FOXP1: variants seen among roughly 807,000 people sequenced by gnomAD.
FOXP1 encodes forkhead box protein P1.
In FOXP1, 15 loss-of-function variants were observed where a neutral mutation model predicts 98.2. The ratio of observed to expected loss-of-function variants is 0.15; its 90% confidence interval spans 0.10 to 0.24. The LOEUF is 0.24. FOXP1 is among the 10% of genes least tolerant of loss of function. The pLI is 1.00. For missense variants in FOXP1, 633 were observed against 848.5 expected (o/e 0.75, Z 3.15); for synonymous variants, 371 against 314.5 (o/e 1.18, Z -1.90).
intron 4 of FOXP1, among the ~76,000 whole-genome samples, chr3:71,337,043 A>T (rs190880960): frequency 2.0e-5 from 3 of 152,372 alleles, no homozygotes; most frequent in Non-Finnish European, 2.9e-5. Context: ...CATATCAAAC[A>T]TTTAAAAAGT....
intron 5 of FOXP1, among the ~76,000 whole-genome samples, chr3:71,254,923 G>A (rs1449287047): frequency 6.6e-6 from 1 of 152,194 alleles, no homozygotes; most frequent in African/African-American, 2.4e-5. Flanking sequence ...TTGGGAGCAA[G>A]CAGCATGAGA....
intron 6 of FOXP1, among the ~76,000 whole-genome samples, chr3:71,137,146 G>A (rs1377531621): frequency 3.9e-5 from 6 of 152,284 alleles, no homozygotes; most frequent in East Asian, 1.9e-4. Flanking sequence ...CACGCCTAGC[G>A]GCCTCTGAGT....
At chr3:71,279,172 C>CAAAA (rs11308828) in intron 5 of FOXP1, among the ~76,000 whole-genome samples, 39 of 69,676 alleles carry the variant, frequency 5.6e-4, no homozygotes, top group Admixed American at 1.2e-3. Flanking sequence ...AACTCCATCT[C>CAAAA]AAAAAAAAAA....
intron 12 of FOXP1, among the ~76,000 whole-genome samples, chr3:71,007,615 T>C (rs952517626): frequency 2.8e-4 from 43 of 152,134 alleles, no homozygotes; most frequent in African/African-American, 9.4e-4. Context: ...AACAAAAGCC[T>C]CTTTGTCGAG....
chr3:71,198,498 G>T, intron 5 of FOXP1, 106 bp from the exon 6 acceptor site: 3 of 958,402 alleles, frequency 3.1e-6, no homozygotes, highest in Non-Finnish European at 4.9e-6. Context: ...TTTAAATGTT[G>T]CCAAAATCTG....
intron 2 of FOXP1, among the ~76,000 whole-genome samples, chr3:71,569,903 C>A (rs1332265439): frequency 6.6e-6 from 1 of 152,130 alleles, no homozygotes; most frequent in Non-Finnish European, 1.5e-5. Flanking sequence ...CTGCCTCAGC[C>A]TCCCGAGTAG....
At chr3:71,458,731 T>C (rs1272275271) in intron 3 of FOXP1, among the ~76,000 whole-genome samples, 1 of 152,202 alleles carries the variant, frequency 6.6e-6, no homozygotes, top group Admixed American at 6.6e-5. Flanking sequence ...CGTAAAGCAA[T>C]CTCTTGCAAT....
intron 12 of FOXP1, among the ~76,000 whole-genome samples, chr3:71,011,889 A>G (rs1357594267): frequency 2.0e-5 from 3 of 152,158 alleles, no homozygotes; most frequent in African/African-American, 7.2e-5. Flanking sequence ...ATAGGAATTG[A>G]GTCTAGGCCC....
At chr3:71,410,938 C>T (rs762845030) in intron 3 of FOXP1, among the ~76,000 whole-genome samples, 1 of 152,168 alleles carries the variant, frequency 6.6e-6, no homozygotes, top group Admixed American at 6.5e-5. Flanking sequence ...TGCCTTATCA[C>T]GCGTGGCTTC....
At chr3:71,306,590 C>T (rs1435424651) in intron 4 of FOXP1, among the ~76,000 whole-genome samples, 1 of 124,074 alleles carries the variant, frequency 8.1e-6, no homozygotes, top group Non-Finnish European at 1.6e-5. Flanking sequence ...TATATACTCA[C>T]ACATAATACA....
At chr3:71,401,866 C>T (rs1331526030) in intron 3 of FOXP1, among the ~76,000 whole-genome samples, 1 of 152,214 alleles carries the variant, frequency 6.6e-6, no homozygotes, top group Non-Finnish European at 1.5e-5. Flanking sequence ...GACACCGGGG[C>T]CCAGGCAGCC....
At chr3:71,509,749 A>T (rs760406009) in intron 2 of FOXP1, among the ~76,000 whole-genome samples, 22 of 152,122 alleles carry the variant, frequency 1.4e-4, no homozygotes, top group Non-Finnish European at 2.8e-4. Flanking sequence ...GGGCTCAGTG[A>T]CATGCACCTG....
At chr3:71,048,597 AT>A in intron 9 of FOXP1, among the ~76,000 whole-genome samples, 1 of 152,164 alleles carries the variant, frequency 6.6e-6, no homozygotes, top group South Asian at 2.1e-4. Context: ...TAAGAACAGC[AT>A]GCATAAAATG....
intron 5 of FOXP1, among the ~76,000 whole-genome samples, chr3:71,298,028 A>C (rs2073491065): frequency 6.6e-6 from 1 of 152,200 alleles, no homozygotes; most frequent in Non-Finnish European, 1.5e-5. Context: ...GAGATTATAG[A>C]GACCAGGAGA....
chr3:71,226,906 A>G (rs2065886083), intron 5 of FOXP1, among the ~76,000 whole-genome samples: 1 of 152,140 alleles, frequency 6.6e-6, no homozygotes, highest in Admixed American at 6.5e-5. Flanking sequence ...GGTAAGAGCC[A>G]AAGCACGCAG....
chr3:71,469,644 G>A (rs1414673896), intron 3 of FOXP1, among the ~76,000 whole-genome samples: 1 of 152,172 alleles, frequency 6.6e-6, no homozygotes, highest in Non-Finnish European at 1.5e-5. Context: ...TCTTAGCTGG[G>A]CTTTGATGAT....
rs187313074 is a variant in FOXP1, at chr3:71,166,790, C to G, written c.180+31412G>C. 6.6e-5 allele frequency among the ~76,000 whole-genome samples: 10 copies of G among 152,092 alleles called. No homozygotes were observed. The East Asian group carries it at 1.9e-3, about 29-fold the overall frequency. Reference sequence around the variant, plus strand: ...TAATGCTGTCCTTTTCTTAAAAAAACAAAAAGCAAAAACAAAAACACACAC... The same window carrying G: ...TAATGCTGTCCTTTTCTTAAAAAAAGAAAAAGCAAAAACAAAAACACACAC... On this transcript the variant is annotated intron_variant, in intron 6 of 20. Coordinates refer to ENST00000649528, the MANE Select transcript of FOXP1 (RefSeq NM_001349338.3).
At chr3:71,573,571 C>T (rs933350780) in intron 2 of FOXP1, 14 of 152,156 alleles carry the variant, frequency 9.2e-5, no homozygotes, top group African/African-American at 3.4e-4. Flanking sequence ...ATAAGATGAA[C>T]ACATTTAAGC....
intron 14 of FOXP1, among the ~76,000 whole-genome samples, chr3:70,981,609 G>A (rs1405091442): frequency 6.6e-6 from 1 of 152,232 alleles, no homozygotes; most frequent in Non-Finnish European, 1.5e-5. Flanking sequence ...AGGGGAGGCA[G>A]TAATATTTGT....
Sources: allele counts gnomAD v4.1 joint callset (sites outside exome capture counted in the v4.1 genomes callset), GRCh38; gene constraint gnomAD v4.1.1; transcripts MANE v1.5; gene names NCBI Gene and HGNC (gene_info 2026-07-23, HGNC 2026-07-21).